Variants in USP28 observed in about 807,000 individuals in gnomAD.
The protein encoded by USP28 is ubiquitin carboxyl-terminal hydrolase 28.
Under a neutral mutation model 145.0 loss-of-function variants are expected in USP28, and 113 were observed. That is an observed-to-expected ratio of 0.78 (90% confidence interval 0.67 to 0.91). USP28 has a LOEUF of 0.91. Ranked by LOEUF, USP28 falls within the 40% of genes least tolerant of loss-of-function variation. The pLI is 0.00. For missense variants in USP28, 1,201 were observed against 1,289.6 expected (o/e 0.93, Z 1.05); for synonymous variants, 447 against 450.9 (o/e 0.99, Z 0.11).
At chr11:113,854,174 G>T in intron 2 of USP28, 84 bp downstream of exon 2, 4 of 1,266,254 alleles carry the variant, frequency 3.2e-6, no homozygotes, top group Non-Finnish European at 4.4e-6. Context: ...TTTAATTTGG[G>T]AATAGAAATA....
chr11:113,829,351 CAAAG>C lies in USP28; in HGVS notation c.911-10_911-7del. The C allele has an allele frequency of 1.9e-6, 3 of 1,613,782 alleles. No homozygotes were observed. The highest frequency in any genetic ancestry group is 2.5e-6 in the Non-Finnish European group (3 of 1,179,882). On this transcript the variant is annotated splice_region_variant and splice_polypyrimidine_tract_variant and intron_variant, in intron 9 of 24. Transcript: ENST00000003302. ...ATTGTTACAAAAGGGTTTTCCTAGG[CAAAG>C]AGAGAGACTTTTTAAAAAAGACATC...
In USP28 at chr11:113,827,172, T is replaced by C. The variant is rs1475164530; in HGVS notation, c.1187+61A>G. The C allele has an allele frequency of 2.7e-5, 42 of 1,554,300 alleles. No individual in the cohort carries two copies. In the East Asian group the frequency reaches 9.3e-4, roughly 34 times the overall value. ...TGATTCCTACGCACACTATACTTAGTACGTGCTCATCTCTACTGCTGTAAT... is the reference window on the plus strand; with the variant it reads ...TGATTCCTACGCACACTATACTTAGCACGTGCTCATCTCTACTGCTGTAAT... On this transcript the variant is annotated intron_variant, in intron 11 of 24. Transcript: ENST00000003302.
chr11:113,803,003 A>G (rs1939313324), intron 23 of USP28, among the ~76,000 whole-genome samples, 155 bp downstream of exon 24: 1 of 152,238 alleles, frequency 6.6e-6, no homozygotes, highest in Non-Finnish European at 1.5e-5. Context: ...TAACTGAAAA[A>G]AAACCTGTTC....
chr11:113,805,186 G>T, intron 19 of USP28, 140 bp from the exon 21 acceptor site: 3 of 776,504 alleles, frequency 3.9e-6, no homozygotes, highest in Non-Finnish European at 3.9e-6. Flanking sequence ...AAACAACTAT[G>T]GAATTTTTAA....
chr11:113,872,574 A>G (rs1167289973), intron 1 of USP28, among the ~76,000 whole-genome samples: 1 of 152,224 alleles, frequency 6.6e-6, no homozygotes, highest in African/African-American at 2.4e-5. Flanking sequence ...TGTTTTAAAA[A>G]TCAGTTAATG....
intron 1 of USP28, among the ~76,000 whole-genome samples, chr11:113,871,389 A>G (rs1948797575): frequency 6.6e-6 from 1 of 152,196 alleles, no homozygotes; most frequent in Non-Finnish European, 1.5e-5. Context: ...GACATCATCT[A>G]GATCAGAGTT....
At chr11:113,852,768 T>C in intron 2 of USP28, 135 bp from the exon 3 acceptor site, 18 of 998,690 alleles carry the variant, frequency 1.8e-5, no homozygotes, top group Admixed American at 2.4e-5. Context: ...TATGAGACTA[T>C]GGTGGACAGT....
At chr11:113,809,404 CT>C in intron 16 of USP28, 150 bp from the exon 17 acceptor site, 1 of 790,174 alleles carries the variant, frequency 1.3e-6, no homozygotes, top group African/African-American at 1.7e-5. Flanking sequence ...CTGAGTATCT[CT>C]TATCCAAAAT....
chr11:113,858,100 A>G (rs935193222), intron 1 of USP28, among the ~76,000 whole-genome samples: 3 of 152,142 alleles, frequency 2.0e-5, no homozygotes, highest in African/African-American at 7.2e-5. Flanking sequence ...TTCTGGCCTC[A>G]AGTGATCCAC....
intron 1 of USP28, among the ~76,000 whole-genome samples, chr11:113,860,946 G>A (rs1006844595): frequency 6.6e-6 from 1 of 150,964 alleles, no homozygotes; most frequent in South Asian, 2.1e-4. Context: ...GTGAAACTCC[G>A]TCTCTACTAA....
chr11:113,824,819 T>C (rs146606030), intron 11 of USP28, among the ~76,000 whole-genome samples: 219 of 150,680 alleles, frequency 1.5e-3, no homozygotes, highest in African/African-American at 5.2e-3. Context: ...TAATCCCAGA[T>C]ACTTGGGAGG....
At chr11:113,845,510 C>A (rs1945730885) in intron 3 of USP28, among the ~76,000 whole-genome samples, 1 of 151,996 alleles carries the variant, frequency 6.6e-6, no homozygotes, top group Admixed American at 6.6e-5. Flanking sequence ...GGAAGCTATT[C>A]AAAAAATTAA....
chr11:113,827,843 T>A (rs1031057313), intron 10 of USP28, among the ~76,000 whole-genome samples: 1 of 152,240 alleles, frequency 6.6e-6, no homozygotes, highest in Non-Finnish European at 1.5e-5. Context: ...TTTAGTCTAT[T>A]AACCATAATT....
chr11:113,813,850 T>C (rs1007682383), intron 15 of USP28, 35 bp downstream of exon 15: 1 of 1,563,512 alleles, frequency 6.4e-7, no homozygotes. Flanking sequence ...CATTAGCACA[T>C]GCCTTGACTA....
intron 1 of USP28, among the ~76,000 whole-genome samples, chr11:113,859,020 T>C (rs1403012654): frequency 2.0e-5 from 3 of 152,212 alleles, no homozygotes; most frequent in Non-Finnish European, 4.4e-5. Context: ...TAATGAGAAC[T>C]AACATTTATT....
chr11:113,801,829 T>G (rs1939082857), intron 23 of USP28, 151 bp from the exon 25 acceptor site: 4 of 552,836 alleles, frequency 7.2e-6, no homozygotes, highest in Non-Finnish European at 1.2e-5. Context: ...TTCCCACTTC[T>G]GATAAGCTGA....
intron 1 of USP28, among the ~76,000 whole-genome samples, chr11:113,864,312 A>C (rs551834507): frequency 1.3e-5 from 2 of 152,340 alleles, no homozygotes; most frequent in Admixed American, 6.5e-5. Context: ...AGGTTCATGA[A>C]CTGGAAAACT....
intron 2 of USP28, among the ~76,000 whole-genome samples, chr11:113,852,962 T>G (rs1946641110): frequency 6.6e-6 from 1 of 152,122 alleles, no homozygotes; most frequent in Admixed American, 6.5e-5. Flanking sequence ...AAAAGGGGGC[T>G]GGCAATTAAC....
At chr11:113,842,789 G>C (rs1408074689) in intron 3 of USP28, among the ~76,000 whole-genome samples, 1 of 152,084 alleles carries the variant, frequency 6.6e-6, no homozygotes, top group African/African-American at 2.4e-5. Context: ...AATATCCTTA[G>C]GCTGAGAAAA....
Sources: allele counts gnomAD v4.1 joint callset (sites outside exome capture counted in the v4.1 genomes callset), GRCh38; gene constraint gnomAD v4.1.1; transcripts MANE v1.5; gene names NCBI Gene and HGNC (gene_info 2026-07-23, HGNC 2026-07-21).